Variants in PTPRN2 observed in about 807,000 individuals in gnomAD.
PTPRN2 encodes receptor-type tyrosine-protein phosphatase N2.
PTPRN2 carries 74 observed loss-of-function variants against 118.8 expected under a neutral mutation model. The ratio of observed to expected loss-of-function variants is 0.62; its 90% CI spans 0.52 to 0.76. The LOEUF is 0.76. Ranked by LOEUF, PTPRN2 falls within the 30% of genes least tolerant of loss-of-function variation. The pLI is 0.00. For missense variants in PTPRN2, 1,481 were observed against 1,394.4 expected, an observed-to-expected ratio of 1.06 and a Z score of -0.99; for synonymous variants, 641 against 608.0, an observed-to-expected ratio of 1.05 and a Z score of -0.80.
At chr7:157,775,210 T>C (rs946477680) in intron 12 of PTPRN2, among the ~76,000 whole-genome samples, 13 of 152,214 alleles carry the variant, frequency 8.5e-5, no homozygotes, top group Non-Finnish European at 1.8e-4. Context: ...GGACGCCGTG[T>C]GTGGCAACCA....
chr7:157,664,236 G>A (rs1256121487), intron 13 of PTPRN2, among the ~76,000 whole-genome samples: 1 of 152,258 alleles, frequency 6.6e-6, no homozygotes, highest in African/African-American at 2.4e-5. Flanking sequence ...GGCGATGACT[G>A]AATGGACAGC....
At chr7:158,341,166 C>T (rs113547176) in intron 2 of PTPRN2, among the ~76,000 whole-genome samples, 33 of 145,962 alleles carry the variant, frequency 2.3e-4, no homozygotes, top group African/African-American at 7.6e-4. Flanking sequence ...CGCCCGCAGA[C>T]GTCACTCACA....
intron 12 of PTPRN2, among the ~76,000 whole-genome samples, chr7:157,838,138 CGGG>C: frequency 6.9e-6 from 1 of 144,576 alleles, no homozygotes; most frequent in South Asian, 2.2e-4. Flanking sequence ...GTGGATGGCA[CGGG>C]AGAAAGCTCC....
intron 9 of PTPRN2, among the ~76,000 whole-genome samples, chr7:158,123,379 G>T (rs1026972005): frequency 6.6e-6 from 1 of 152,102 alleles, no homozygotes; most frequent in African/African-American, 2.4e-5. Flanking sequence ...CAGACACCAC[G>T]GTGACCGACG....
chr7:157,716,738 C>T (rs59455524), intron 12 of PTPRN2, among the ~76,000 whole-genome samples: 1 of 54,754 alleles, frequency 1.8e-5, no homozygotes, highest in African/African-American at 1.0e-4. Flanking sequence ...GTAGACTCTG[C>T]GGGAACACTG....
intron 2 of PTPRN2, among the ~76,000 whole-genome samples, chr7:158,367,568 T>TA (rs1172065168): frequency 6.6e-6 from 1 of 152,206 alleles, no homozygotes; most frequent in Non-Finnish European, 1.5e-5. Flanking sequence ...ACCTGCTTAA[T>TA]TCACCATGGG....
chr7:158,071,281 TGGTGGTGGAGGTG>T (rs1811485874), intron 11 of PTPRN2, among the ~76,000 whole-genome samples: 7 of 98,196 alleles, frequency 7.1e-5, no homozygotes, highest in African/African-American at 8.5e-5. Flanking sequence ...GAGGTGCCCG[TGGTGGTGGAGGTG>T]CTCGTGGTGG....
At chr7:158,155,688 C>A (rs1350993316) in intron 6 of PTPRN2, among the ~76,000 whole-genome samples, 1 of 148,866 alleles carries the variant, frequency 6.7e-6, no homozygotes, top group African/African-American at 2.5e-5. Flanking sequence ...ATCACCATCA[C>A]CATCAGCACT....
intron 6 of PTPRN2, among the ~76,000 whole-genome samples, chr7:158,140,619 T>C (rs1819282156): frequency 6.6e-6 from 1 of 152,000 alleles, no homozygotes; most frequent in Admixed American, 6.5e-5. Context: ...TAACAGAAGA[T>C]GAAGTTCAAG....
At chr7:158,164,977 A>C (rs1822796529) in intron 6 of PTPRN2, among the ~76,000 whole-genome samples, 1 of 96,102 alleles carries the variant, frequency 1.0e-5, no homozygotes, top group African/African-American at 3.4e-5. Context: ...GCAAGTGAAG[A>C]CCCCCTGATA....
chr7:157,840,211 G>A (rs1186215359), intron 12 of PTPRN2, among the ~76,000 whole-genome samples: 1 of 150,672 alleles, frequency 6.6e-6, no homozygotes, highest in Non-Finnish European at 1.5e-5. Flanking sequence ...GTGTGACTGT[G>A]TGGCCACGTG....
intron 12 of PTPRN2, among the ~76,000 whole-genome samples, chr7:157,712,998 T>C (rs1291201523): frequency 6.6e-6 from 1 of 152,120 alleles, no homozygotes. Flanking sequence ...TCATGGTACT[T>C]GGTGAGGGCG....
chr7:158,210,817 T>C (rs1827537933), intron 3 of PTPRN2, among the ~76,000 whole-genome samples: 1 of 152,180 alleles, frequency 6.6e-6, no homozygotes, highest in South Asian at 2.1e-4. Context: ...AGATTGAAGC[T>C]GTAATAAAGT....
intron 3 of PTPRN2, among the ~76,000 whole-genome samples, chr7:158,263,942 G>T (rs150259679): frequency 6.6e-6 from 1 of 152,324 alleles, no homozygotes; most frequent in East Asian, 1.9e-4. Context: ...CAAACTCCAC[G>T]GTGATGTGGG....
At chr7:158,536,358 C>T (rs1825643665) in intron 1 of PTPRN2, among the ~76,000 whole-genome samples, 1 of 152,338 alleles carries the variant, frequency 6.6e-6, no homozygotes, top group South Asian at 2.1e-4. Context: ...AAGTGCTGCC[C>T]TGCCTTGTCT....
chr7:157,613,357 TC>T (rs1464712398), intron 15 of PTPRN2, among the ~76,000 whole-genome samples: 1 of 152,202 alleles, frequency 6.6e-6, no homozygotes. Flanking sequence ...TTCCGATAGT[TC>T]TGGCAGAGAC....
At chr7:158,170,201 T>C (rs1019364964) in intron 5 of PTPRN2, among the ~76,000 whole-genome samples, 1 of 152,148 alleles carries the variant, frequency 6.6e-6, no homozygotes, top group Non-Finnish European at 1.5e-5. Flanking sequence ...CCTCTAGCAA[T>C]TTCCCACAAA....
chr7:157,726,598 C>A (rs779816515), intron 12 of PTPRN2, among the ~76,000 whole-genome samples: 1 of 152,196 alleles, frequency 6.6e-6, no homozygotes, highest in African/African-American at 2.4e-5. Flanking sequence ...GATTTGGCCA[C>A]GATTTCCTGG....
chr7:157,811,443 T>C (rs1806039226), intron 12 of PTPRN2, among the ~76,000 whole-genome samples: 1 of 151,692 alleles, frequency 6.6e-6, no homozygotes, highest in African/African-American at 2.4e-5. Context: ...CCATCGTGGC[T>C]GTTGGCACAG....
Sources: allele counts gnomAD v4.1 joint callset (sites outside exome capture counted in the v4.1 genomes callset), GRCh38; gene constraint gnomAD v4.1.1; transcripts MANE v1.5; gene names NCBI Gene and HGNC (gene_info 2026-07-23, HGNC 2026-07-21).